Variants in MACROD2 observed in about 807,000 individuals in gnomAD.
The protein encoded by MACROD2 is ADP-ribose glycohydrolase MACROD2.
MACROD2 carries 36 observed loss-of-function variants against 70.4 expected under a neutral mutation model. That is an observed-to-expected ratio of 0.51 (90% CI 0.39 to 0.68). The LOEUF is 0.68. Among genes scored for constraint, MACROD2 ranks in the 30% least tolerant of loss-of-function variants. The pLI, the probability that MACROD2 is intolerant of heterozygous loss-of-function variation, is 0.00. For synonymous variants in MACROD2, 172 were observed against 178.8 expected, an observed-to-expected ratio of 0.96 and a Z score of 0.30; for missense variants, 496 against 538.4, an observed-to-expected ratio of 0.92 and a Z score of 0.78.
At chr20:14,269,168 G>A (rs1030771279) in intron 3 of MACROD2, among the ~76,000 whole-genome samples, 4 of 152,036 alleles carry the variant, frequency 2.6e-5, no homozygotes, top group South Asian at 2.1e-4. Context: ...AATTAGTGCC[G>A]ACCTTCATAA....
intron 13 of MACROD2, among the ~76,000 whole-genome samples, chr20:15,982,497 G>A (rs1053272820): frequency 3.3e-5 from 5 of 152,092 alleles, no homozygotes; most frequent in Admixed American, 6.5e-5. Flanking sequence ...TGACTGGAGC[G>A]GGGCTTGTCG....
At chr20:14,197,872 A>C (rs937442868) in intron 3 of MACROD2, among the ~76,000 whole-genome samples, 3 of 152,222 alleles carry the variant, frequency 2.0e-5, no homozygotes, top group Non-Finnish European at 4.4e-5. Context: ...ACAGTGTTAA[A>C]ATTTGTGTGC....
At chr20:14,607,642 A>G (rs1226980323) in intron 4 of MACROD2, among the ~76,000 whole-genome samples, 2 of 152,148 alleles carry the variant, frequency 1.3e-5, no homozygotes, top group African/African-American at 2.4e-5. Context: ...TGTTCCATTA[A>G]CGATACTTAA....
chr20:15,658,286 G>A (rs1452874754), intron 8 of MACROD2, among the ~76,000 whole-genome samples: 1 of 149,426 alleles, frequency 6.7e-6, no homozygotes, highest in Non-Finnish European at 1.5e-5. Context: ...ATGGAGTGCT[G>A]CGGGAAACCT....
chr20:14,528,524 TG>T (rs773564386), intron 4 of MACROD2, among the ~76,000 whole-genome samples: 2 of 152,168 alleles, frequency 1.3e-5, no homozygotes, highest in Non-Finnish European at 2.9e-5. Context: ...ATAGCTTTTT[TG>T]CTTATCCTCT....
At chr20:15,313,046 G>C (rs2077770351) in intron 6 of MACROD2, among the ~76,000 whole-genome samples, 1 of 151,942 alleles carries the variant, frequency 6.6e-6, no homozygotes, top group Non-Finnish European at 1.5e-5. Flanking sequence ...TGCATATATG[G>C]TGAAATTTGT....
At chr20:14,349,026 C>G (rs1322051202) in intron 3 of MACROD2, among the ~76,000 whole-genome samples, 1 of 152,026 alleles carries the variant, frequency 6.6e-6, no homozygotes, top group Non-Finnish European at 1.5e-5. Context: ...CATGATCACC[C>G]CACTGTATTC....
At chr20:14,115,666 G>A (rs1354589787) in intron 3 of MACROD2, among the ~76,000 whole-genome samples, 2 of 152,140 alleles carry the variant, frequency 1.3e-5, no homozygotes, top group Non-Finnish European at 2.9e-5. Flanking sequence ...CCAATTAGAA[G>A]TTCATATTGC....
At chr20:15,168,669 A>G (rs1280300021) in intron 5 of MACROD2, among the ~76,000 whole-genome samples, 1 of 152,132 alleles carries the variant, frequency 6.6e-6, no homozygotes, top group Non-Finnish European at 1.5e-5. Context: ...AGATACATTC[A>G]ATGAAATATT....
intron 4 of MACROD2, among the ~76,000 whole-genome samples, chr20:14,641,113 A>C (rs576512757): frequency 6.6e-6 from 1 of 152,196 alleles, no homozygotes; most frequent in Admixed American, 6.5e-5. Context: ...AATATTCTAA[A>C]TCCTTTTTTG....
At chr20:14,561,512 A>G (rs2123292234) in intron 4 of MACROD2, among the ~76,000 whole-genome samples, 1 of 151,978 alleles carries the variant, frequency 6.6e-6, no homozygotes. Context: ...TGCAGGGTAT[A>G]CAAATGTTAT....
chr20:15,589,358 AT>A (rs1214103692), intron 8 of MACROD2, among the ~76,000 whole-genome samples: 1 of 152,196 alleles, frequency 6.6e-6, no homozygotes, highest in Admixed American at 6.5e-5. Flanking sequence ...ATTTTATAAA[AT>A]TTTGTTAATA....
At chr20:15,415,749 T>G (rs2046139134) in intron 6 of MACROD2, among the ~76,000 whole-genome samples, 2 of 152,206 alleles carry the variant, frequency 1.3e-5, no homozygotes, top group South Asian at 4.1e-4. Flanking sequence ...TATCCATTCC[T>G]CCTTCCATCT....
At chr20:15,198,517 G>A (rs969413989) in intron 5 of MACROD2, among the ~76,000 whole-genome samples, 1 of 151,930 alleles carries the variant, frequency 6.6e-6, no homozygotes, top group African/African-American at 2.4e-5. Context: ...ATTTACATTT[G>A]TATACTAGAG....
chr20:15,439,768 A>G (rs1195796762), intron 7 of MACROD2, among the ~76,000 whole-genome samples: 2 of 152,174 alleles, frequency 1.3e-5, no homozygotes, highest in East Asian at 3.9e-4. Context: ...CGTTTCCAGG[A>G]TGGTTCCACA....
At chr20:15,854,106 A>G (rs967257945) in intron 8 of MACROD2, among the ~76,000 whole-genome samples, 7 of 152,100 alleles carry the variant, frequency 4.6e-5, no homozygotes, top group African/African-American at 1.4e-4. Context: ...AGAACCTTCA[A>G]ATATGATGGG....
intron 15 of MACROD2, among the ~76,000 whole-genome samples, chr20:16,017,063 G>T (rs535622228): frequency 6.6e-6 from 1 of 152,092 alleles, no homozygotes; most frequent in East Asian, 1.9e-4. Flanking sequence ...GTATTTTATT[G>T]TCTTACCACA....
rs538717317 is a variant in MACROD2, at chr20:14,930,841, T to A, written c.418+245882T>A. ...ATTCATTTTTTAAGTAATTTTTTTT[T>A]AATTATGGCAATTTTTTTAAGTAAA... On this transcript the variant is annotated intron_variant, in intron 5 of 17. Transcript: ENST00000684519. Among the ~76,000 whole-genome samples, 508 of 142,660 alleles carry A rather than the reference T, an allele frequency of 3.6e-3. 1 individual carries two copies. Among genetic ancestry groups the A allele is most frequent in the African/African-American group, 0.012 (486 of 39,068 alleles). 93.6% of individuals were successfully genotyped at this position (142,660 alleles called of 152,430 possible). A position where few individuals can be genotyped will look rare whatever the true frequency, so the allele number is the denominator to read the frequency against.
chr20:15,674,263 G>A (rs2050024421), intron 8 of MACROD2, among the ~76,000 whole-genome samples: 1 of 152,154 alleles, frequency 6.6e-6, no homozygotes, highest in Non-Finnish European at 1.5e-5. Context: ...GGAAGGGTTT[G>A]CGACTCAATT....
Sources: gnomAD v4.1 joint callset for allele counts (sites outside exome capture counted in the v4.1 genomes callset) on GRCh38, gnomAD v4.1.1 for gene constraint, MANE v1.5 for transcripts, NCBI Gene and HGNC (gene_info 2026-07-23, HGNC 2026-07-21) for gene names.